SLC25A43: variants seen among roughly 807,000 people sequenced by gnomAD.
SLC25A43 encodes the protein solute carrier family 25, member 43.
SLC25A43 carries 10 observed loss-of-function variants against 22.8 expected under a neutral mutation model. That is an observed-to-expected ratio of 0.44 (90% confidence interval 0.27 to 0.74). The LOEUF (loss-of-function observed/expected upper bound fraction) is 0.74, where lower values mean the gene tolerates loss of function less well. Ranked by LOEUF, SLC25A43 falls within the 30% of genes least tolerant of loss-of-function variation. The pLI, the probability that SLC25A43 is intolerant of heterozygous loss-of-function variation, is 0.17. For missense variants in SLC25A43, 233 were observed against 279.1 expected (o/e 0.83, Z 1.18); for synonymous variants, 106 against 121.6 (o/e 0.87, Z 0.84).
At chrX:119,433,047 G>A (rs1235836318) in intron 3 of SLC25A43, among the ~76,000 whole-genome samples, 2 of 110,709 alleles carry the variant, frequency 1.8e-5, no homozygotes, top group Non-Finnish European at 3.8e-5. Flanking sequence ...GCAGTGAGCC[G>A]AGATTGCACC....
chrX:119,444,987 AT>A (rs2052654656), intron 3 of SLC25A43, among the ~76,000 whole-genome samples: 1 of 99,611 alleles, frequency 1.0e-5, no homozygotes, highest in African/African-American at 3.7e-5. Context: ...GTGAGCCAAG[AT>A]CATGCCACTG....
chrX:119,400,877 C>T (rs745893773), intron 1 of SLC25A43, among the ~76,000 whole-genome samples: 2 of 111,349 alleles, frequency 1.8e-5, no homozygotes, highest in East Asian at 5.6e-4. Flanking sequence ...ATCTGGCCTG[C>T]AGTCTGTAAA....
At chrX:119,420,220 A>G (rs139255260) in intron 3 of SLC25A43, among the ~76,000 whole-genome samples, 1,423 of 109,486 alleles carry the variant, frequency 0.013, 29 homozygotes, top group African/African-American at 0.045. Context: ...GCTCATTTCA[A>G]TCCTCTCCAG....
intron 3 of SLC25A43, among the ~76,000 whole-genome samples, chrX:119,429,340 G>A (rs191183407): frequency 1.8e-5 from 2 of 111,537 alleles, no homozygotes; most frequent in Admixed American, 1.9e-4. Context: ...GTGAGCTGCC[G>A]TGCCCAGCTG....
chrX:119,453,745 T>G lies in SLC25A43; in HGVS notation c.*680T>G, dbSNP rs1265678760. ...TATGTTGCCCAGGCTGGTCTTGAAC[T>G]CCTGGGCTCATGCAATCCTCCTGCC... is the stretch of plus-strand genomic sequence containing the variant. On this transcript the variant is annotated 3_prime_UTR_variant, in exon 5 of 5. Transcript: ENST00000217909. 1 of 112,418 alleles carries G rather than the reference T, an allele frequency of 8.9e-6. No individual in the cohort carries two copies. The highest frequency in any genetic ancestry group is 3.3e-5 in the African/African-American group (1 of 30,719). The allele number at this position is 112,418 out of a possible 1,213,427, so 9.3% of individuals were successfully genotyped here.
chrX:119,443,906 C>T (rs2147294401), intron 3 of SLC25A43, among the ~76,000 whole-genome samples: 1 of 108,474 alleles, frequency 9.2e-6, no homozygotes, highest in South Asian at 4.1e-4. Context: ...AGGTACATGC[C>T]ATCATGCCCG....
chrX:119,447,818 C>A (rs1487568431), intron 3 of SLC25A43, among the ~76,000 whole-genome samples: 2 of 110,636 alleles, frequency 1.8e-5, no homozygotes, highest in Non-Finnish European at 3.8e-5. Context: ...TGGAAGTATC[C>A]CCAGGCTCAA....
chrX:119,431,057 A>G (rs960735377), intron 3 of SLC25A43, among the ~76,000 whole-genome samples: 43 of 112,061 alleles, frequency 3.8e-4, no homozygotes, highest in African/African-American at 1.3e-3. Context: ...GCTCTGAGTC[A>G]AACAGACCCA....
intron 4 of SLC25A43, among the ~76,000 whole-genome samples, chrX:119,452,462 T>C (rs1457820649): frequency 9.6e-6 from 1 of 103,739 alleles, no homozygotes; most frequent in Admixed American, 1.1e-4. Flanking sequence ...TATATGCATA[T>C]GTGCATCATA....
At chrX:119,433,829 G>C (rs1253805723) in intron 3 of SLC25A43, among the ~76,000 whole-genome samples, 2 of 112,009 alleles carry the variant, frequency 1.8e-5, no homozygotes, top group African/African-American at 6.5e-5. Context: ...AGAATATAAT[G>C]CAGGTAGCAG....
chrX:119,441,325 G>A (rs999430248), intron 3 of SLC25A43, among the ~76,000 whole-genome samples: 2 of 82,508 alleles, frequency 2.4e-5, no homozygotes, highest in African/African-American at 9.1e-5. Context: ...GCCCTGCTTC[G>A]GCTCGCGCAC....
chrX:119,409,881 G>C (rs889024255), intron 2 of SLC25A43, among the ~76,000 whole-genome samples: 1 of 112,436 alleles, frequency 8.9e-6, no homozygotes, highest in African/African-American at 3.2e-5. Context: ...CTCCCAAAGT[G>C]CTGGGATTAC....
chrX:119,427,837 AT>A (rs1314006135), intron 3 of SLC25A43, among the ~76,000 whole-genome samples: 1 of 111,167 alleles, frequency 9.0e-6, no homozygotes, highest in African/African-American at 3.3e-5. Flanking sequence ...TTCCCTATGA[AT>A]TTTTTTTCCT....
chrX:119,452,507 AC>A (rs1232917509), intron 4 of SLC25A43, among the ~76,000 whole-genome samples: 8 of 109,426 alleles, frequency 7.3e-5, no homozygotes, highest in African/African-American at 1.7e-4. Flanking sequence ...AAAAAAAAAA[AC>A]AAAAACAAAA....
intron 3 of SLC25A43, among the ~76,000 whole-genome samples, chrX:119,427,014 T>A (rs769479884): frequency 9.0e-6 from 1 of 111,508 alleles, no homozygotes; most frequent in African/African-American, 3.3e-5. Context: ...ACAGGCTCCA[T>A]GTGCAAGCAC....
intron 2 of SLC25A43, among the ~76,000 whole-genome samples, chrX:119,407,404 C>T (rs889637445): frequency 2.7e-5 from 3 of 111,775 alleles, no homozygotes; most frequent in Admixed American, 9.6e-5. Flanking sequence ...CTTAAGCAAG[C>T]GTCAGTGTAT....
intron 3 of SLC25A43, among the ~76,000 whole-genome samples, chrX:119,413,990 C>T (rs2052375330): frequency 9.0e-6 from 1 of 111,663 alleles, no homozygotes; most frequent in African/African-American, 3.3e-5. Context: ...TTCTAAGACT[C>T]TTCATGAAAT....
intron 3 of SLC25A43, among the ~76,000 whole-genome samples, chrX:119,418,949 G>A (rs927790949): frequency 3.0e-4 from 34 of 112,652 alleles, no homozygotes; most frequent in African/African-American, 1.1e-3. Flanking sequence ...CAGAAGAGAT[G>A]GCAGAACTTA....
intron 3 of SLC25A43, among the ~76,000 whole-genome samples, chrX:119,443,797 T>C (rs2052643797): frequency 9.1e-6 from 1 of 109,462 alleles, no homozygotes. Context: ...CCAGGCTGGA[T>C]TGCCGTGGTG....
Sources: gnomAD v4.1 joint callset for allele counts (sites outside exome capture counted in the v4.1 genomes callset) on GRCh38, gnomAD v4.1.1 for gene constraint, MANE v1.5 for transcripts, NCBI Gene and HGNC (gene_info 2026-07-23, HGNC 2026-07-21) for gene names.